Variants in METTL15 observed in about 807,000 individuals in gnomAD.
METTL15 encodes the protein methyltransferase 15, mitochondrial 12S rRNA N4-cytidine.
In METTL15, 34 loss-of-function variants were observed where a neutral mutation model predicts 38.3. The observed-to-expected ratio is 0.89, with a 90% CI of 0.68 to 1.18. The LOEUF (loss-of-function observed/expected upper bound fraction) is 1.18, where lower values mean the gene tolerates loss of function less well. Among genes scored for constraint, METTL15 ranks in the 50% most tolerant of loss-of-function variants. The pLI is 0.00. For missense variants in METTL15, 438 were observed against 498.4 expected, an observed-to-expected ratio of 0.88 and a Z score of 1.15; for synonymous variants, 162 against 170.9, an observed-to-expected ratio of 0.95 and a Z score of 0.41.
intron 6 of METTL15, among the ~76,000 whole-genome samples, chr11:28,485,642 GT>G (rs1382415073): frequency 6.6e-6 from 1 of 152,094 alleles, no homozygotes; most frequent in African/African-American, 2.4e-5. Context: ...AAGATAAAAC[GT>G]TATTGAGAAC....
chr11:28,417,523 G>A (rs781273939), intron 5 of METTL15, among the ~76,000 whole-genome samples: 15 of 152,100 alleles, frequency 9.9e-5, no homozygotes, highest in African/African-American at 2.2e-4. Context: ...TTAAGTGGTC[G>A]GCTGAAATAT....
At position 28,452,893 on chromosome 11, in the gene METTL15, T is replaced by C. The variant is rs2467214; in HGVS notation, c.*424+28529T>C. ...CTGATTCTGTAGTGGAGCCTTTTGG[T>C]GAATGTTGATGTGAAACACAAATGT... On this transcript the variant is annotated intron_variant and NMD_transcript_variant, in intron 6 of 7. Transcript: ENST00000532947. Among the ~76,000 whole-genome samples, 668 of 152,336 alleles carry C rather than the reference T, an allele frequency of 4.4e-3. 4 individuals are homozygous for C. The highest frequency in any genetic ancestry group is 0.015 in the African/African-American group (626 of 41,576).
intron 3 of METTL15, among the ~76,000 whole-genome samples, chr11:28,169,495 C>T (rs1055505630): frequency 2.6e-5 from 4 of 152,064 alleles, no homozygotes; most frequent in African/African-American, 4.8e-5. Context: ...TGATCTGGAT[C>T]TATAGATCTG....
intron 6 of METTL15, among the ~76,000 whole-genome samples, chr11:28,302,647 A>C (rs1259799263): frequency 6.6e-6 from 1 of 152,162 alleles, no homozygotes; most frequent in Non-Finnish European, 1.5e-5. Context: ...AAGTCCAATT[A>C]AACCTCTTTC....
chr11:28,382,299 G>A (rs1850394759), intron 5 of METTL15, among the ~76,000 whole-genome samples: 1 of 152,164 alleles, frequency 6.6e-6, no homozygotes, highest in Non-Finnish European at 1.5e-5. Context: ...TTCCAAGTCT[G>A]GGGATGATAG....
At chr11:28,434,526 T>C (rs1334767542) in intron 6 of METTL15, among the ~76,000 whole-genome samples, 1 of 152,228 alleles carries the variant, frequency 6.6e-6, no homozygotes, top group African/African-American at 2.4e-5. Flanking sequence ...TCCATCTAGC[T>C]GAGATTTTAT....
intron 6 of METTL15, among the ~76,000 whole-genome samples, chr11:28,475,001 C>T (rs1169002584): frequency 6.6e-6 from 1 of 152,154 alleles, no homozygotes; most frequent in African/African-American, 2.4e-5. Flanking sequence ...TCCTCTCTCT[C>T]TCTTATTTAA....
chr11:28,506,623 T>C (rs1461616860), intron 6 of METTL15, among the ~76,000 whole-genome samples: 1 of 152,182 alleles, frequency 6.6e-6, no homozygotes, highest in Non-Finnish European at 1.5e-5. Flanking sequence ...CTTGAGATTA[T>C]GTATTCTGTA....
chr11:28,236,977 A>C (rs186851920), intron 4 of METTL15, among the ~76,000 whole-genome samples: 4 of 152,060 alleles, frequency 2.6e-5, no homozygotes, highest in Admixed American at 2.6e-4. Context: ...ATCAGCTGTT[A>C]GTCTGATGGG....
chr11:28,445,612 A>G lies in METTL15; in HGVS notation c.*424+21248A>G, dbSNP rs1001991666. ...ATATGTCTTGTCCTTACTTGGTTTT[A>G]CATGATATTGGCATTTTTGAAGATT... is the stretch of plus-strand genomic sequence containing the variant. On this transcript the variant is annotated intron_variant and NMD_transcript_variant, in intron 6 of 7. Coordinates refer to the METTL15 transcript ENST00000532947. 2.0e-5 allele frequency among the ~76,000 whole-genome samples: 3 copies of G among 152,132 alleles called. No homozygotes were observed. In the South Asian group the frequency reaches 6.2e-4, roughly 32 times the overall value.
At chr11:28,310,982 G>GTGTA (rs1209365471) in intron 6 of METTL15, among the ~76,000 whole-genome samples, 3 of 147,426 alleles carry the variant, frequency 2.0e-5, no homozygotes, top group Non-Finnish European at 4.5e-5. Flanking sequence ...GTGTGTGTGT[G>GTGTA]TGTGTGTGTG....
intron 3 of METTL15, among the ~76,000 whole-genome samples, chr11:28,194,184 C>T (rs371740632): frequency 0.036 from 955 of 26,556 alleles, 3 homozygotes; most frequent in Middle Eastern, 0.056. Context: ...TTTTCTCTCT[C>T]TCTCTCTCCT....
At chr11:28,207,896 T>C (rs1271510502) in intron 3 of METTL15, among the ~76,000 whole-genome samples, 3 of 152,206 alleles carry the variant, frequency 2.0e-5, no homozygotes, top group African/African-American at 7.2e-5. Context: ...TTTATTTGCA[T>C]AGAGGTGTTT....
chr11:28,153,926 G>A (rs1590823479), intron 3 of METTL15, among the ~76,000 whole-genome samples: 1 of 152,184 alleles, frequency 6.6e-6, no homozygotes, highest in East Asian at 1.9e-4. Context: ...GCTGGGAAAA[G>A]TTCTGGTTTA....
At chr11:28,386,129 A>G (rs1329448439) in intron 5 of METTL15, among the ~76,000 whole-genome samples, 1 of 152,082 alleles carries the variant, frequency 6.6e-6, no homozygotes, top group Non-Finnish European at 1.5e-5. Flanking sequence ...AGAAAACGAG[A>G]AAGAAATCAA....
chr11:28,509,261 T>C (rs1851655413), intron 6 of METTL15, among the ~76,000 whole-genome samples: 1 of 152,240 alleles, frequency 6.6e-6, no homozygotes, highest in Non-Finnish European at 1.5e-5. Flanking sequence ...TGGATTTCAG[T>C]GTAAACATAA....
chr11:28,502,434 T>C (rs554433972), intron 6 of METTL15, among the ~76,000 whole-genome samples: 5 of 152,302 alleles, frequency 3.3e-5, no homozygotes, highest in Admixed American at 2.0e-4. Context: ...CAAAACTTTA[T>C]ACACACAAAC....
At chr11:28,203,571 A>G (rs1326407443) in intron 3 of METTL15, among the ~76,000 whole-genome samples, 5 of 152,076 alleles carry the variant, frequency 3.3e-5, no homozygotes, top group African/African-American at 1.2e-4. Flanking sequence ...TGTGGAAAGG[A>G]CATAGGATCT....
chr11:28,479,034 T>C (rs998425878), intron 6 of METTL15, among the ~76,000 whole-genome samples: 12 of 148,074 alleles, frequency 8.1e-5, no homozygotes, highest in Non-Finnish European at 1.8e-4. Flanking sequence ...CTTTGAAAAC[T>C]CTAGTTTTTT....
Sources: gnomAD v4.1 joint callset for allele counts (sites outside exome capture counted in the v4.1 genomes callset) on GRCh38, gnomAD v4.1.1 for gene constraint, MANE v1.5 for transcripts, NCBI Gene and HGNC (gene_info 2026-07-23, HGNC 2026-07-21) for gene names.